RWDD2B: variants seen among roughly 807,000 people sequenced by gnomAD.
RWDD2B encodes RWD domain-containing protein 2B.
Under a neutral mutation model 33.6 loss-of-function variants are expected in RWDD2B, and 36 were observed. The ratio of observed to expected loss-of-function variants is 1.07; its 90% CI spans 0.82 to 1.42. The LOEUF (loss-of-function observed/expected upper bound fraction) is 1.42. Ranked by LOEUF, RWDD2B falls within the 40% of genes most tolerant of loss-of-function variation. The probability of loss-of-function intolerance (pLI) is 0.00; values close to 1 mark genes in which losing one functional copy is unlikely to be tolerated. For synonymous variants in RWDD2B, 126 were observed against 133.1 expected, an observed-to-expected ratio of 0.95 and a Z score of 0.37; for missense variants, 364 against 377.5, an observed-to-expected ratio of 0.96 and a Z score of 0.30.
intron 1 of RWDD2B, among the ~76,000 whole-genome samples, chr21:29,012,138 G>A (rs1388769855): frequency 2.1e-5 from 3 of 140,596 alleles, no homozygotes; most frequent in East Asian, 2.2e-4. Context: ...CCCCCCGCCC[G>A]GCCAGCCGCC....
intron 1 of RWDD2B, among the ~76,000 whole-genome samples, chr21:29,016,275 T>A (rs2084889752): frequency 6.6e-6 from 1 of 152,150 alleles, no homozygotes; most frequent in African/African-American, 2.4e-5. Flanking sequence ...TATTTATTTA[T>A]TTTTTTGAGA....
At position 29,006,410 on chromosome 21, in the gene RWDD2B, C is replaced by T; in HGVS notation, c.*7G>A. ...CAGTGGCAAGATACTTTCAACTACTCTTGATGTCATTGTCCTTCTACACCA... is the reference window on the plus strand; with the variant it reads ...CAGTGGCAAGATACTTTCAACTACTTTTGATGTCATTGTCCTTCTACACCA... On this transcript the variant is annotated 3_prime_UTR_variant, in exon 5 of 5. Coordinates refer to ENST00000493196, the MANE Select transcript of RWDD2B (RefSeq NM_016940.3). 8.3e-6 allele frequency: 13 copies of T among 1,568,724 alleles called. No homozygotes were observed. The South Asian group carries it at 9.2e-5, about 11-fold the overall frequency.
intron 1 of RWDD2B, among the ~76,000 whole-genome samples, chr21:29,016,920 T>C (rs1417777714): frequency 6.6e-6 from 1 of 152,120 alleles, no homozygotes; most frequent in African/African-American, 2.4e-5. Context: ...CTGGCAACAG[T>C]AAATTTTATA....
At chr21:29,013,688 CAAAA>C (rs543309731) in intron 1 of RWDD2B, among the ~76,000 whole-genome samples, 3 of 59,562 alleles carry the variant, frequency 5.0e-5, no homozygotes, top group Admixed American at 3.6e-4. Flanking sequence ...GACTCCGTCT[CAAAA>C]AAAAAAAAAA....
intron 1 of RWDD2B, among the ~76,000 whole-genome samples, chr21:29,014,431 C>T (rs1286652274): frequency 6.6e-6 from 1 of 152,226 alleles, no homozygotes; most frequent in Non-Finnish European, 1.5e-5. Flanking sequence ...GGTCCCACCA[C>T]TCAACTCTAT....
intron 1 of RWDD2B, among the ~76,000 whole-genome samples, chr21:29,014,378 A>G (rs549985158): frequency 1.4e-4 from 22 of 152,308 alleles, no homozygotes; most frequent in African/African-American, 5.1e-4. Flanking sequence ...GGAATGTTAC[A>G]TTTTTTGTTA....
At chr21:29,012,428 A>T (rs1020202602) in intron 1 of RWDD2B, among the ~76,000 whole-genome samples, 1 of 152,144 alleles carries the variant, frequency 6.6e-6, no homozygotes, top group Non-Finnish European at 1.5e-5. Flanking sequence ...TTCTGTACTA[A>T]GAAAAATTCT....
rs775883966 is a variant in RWDD2B at position 29,019,264 on chromosome 21, A to G, written c.14T>C (p.Leu5Pro). The G allele has an allele frequency of 6.2e-7, 1 of 1,604,866 alleles. No individual in the cohort carries two copies. The highest frequency in any genetic ancestry group is 1.7e-5 in the Admixed American group (1 of 58,540). Residue 5 changes from leucine (L) to proline (P), a missense_variant, in exon 1 of 5, where the codon CTG becomes CCG. Transcript: ENST00000493196. MKIELSMQPWNPGYS... is the reference protein window; with the variant it reads MKIEPSMQPWNPGYS... Reference sequence around the variant, plus strand: ...ACCCGGGTTCCATGGCTGCATGGACAGCTCAATTTTCATCAGAAGGGAGCC... The same window carrying G: ...ACCCGGGTTCCATGGCTGCATGGACGGCTCAATTTTCATCAGAAGGGAGCC...
intron 1 of RWDD2B, among the ~76,000 whole-genome samples, chr21:29,012,501 G>A (rs1229417325): frequency 6.6e-6 from 1 of 151,896 alleles, no homozygotes; most frequent in Non-Finnish European, 1.5e-5. Flanking sequence ...TGAAACATGT[G>A]CTGTATCCAC....
Position 29,006,646 on chromosome 21 carries a change from C to CT in RWDD2B, c.730dup (p.Arg244LysfsTer19). The CT allele has an allele frequency of 6.3e-7, 1 of 1,585,728 alleles. No individual in the cohort carries two copies. The highest frequency in any genetic ancestry group is 8.6e-7 in the Non-Finnish European group (1 of 1,160,348). ...TAAAATTCTCTTCCAGTTTAATTTT[C>CT]TGAGTCTGAAAAGAAATTTCCAAAG... On this transcript the variant is annotated frameshift_variant, in exon 5 of 5. Coordinates refer to ENST00000493196, the MANE Select transcript of RWDD2B (RefSeq NM_016940.3). LOFTEE classifies it high-confidence loss of function.
chr21:29,006,175 T>G lies in RWDD2B; in HGVS notation c.*242A>C, dbSNP rs2096725987. 1.5e-5 allele frequency: 5 copies of G among 338,834 alleles called. No homozygotes were observed. Among genetic ancestry groups the G allele is most frequent in the Non-Finnish European group, 2.7e-5 (5 of 187,848 alleles). 21.0% of individuals were successfully genotyped at this position (338,834 alleles called of 1,614,324 possible). On this transcript the variant is annotated 3_prime_UTR_variant, in exon 5 of 5. Transcript: ENST00000493196. ...TTTATGGATAATTTCTTTTTCAAAA[T>G]GGGCAGCTGATATGTGAAGAAATAT...
chr21:29,009,197 C>T (rs909296215), intron 1 of RWDD2B, among the ~76,000 whole-genome samples: 2 of 152,068 alleles, frequency 1.3e-5, no homozygotes, highest in African/African-American at 4.8e-5. Flanking sequence ...AAGCAATCCT[C>T]CCACCTCAGA....
chr21:29,011,609 C>T lies in RWDD2B; in HGVS notation c.68-2988G>A, dbSNP rs1229591768. On this transcript the variant is annotated intron_variant, in intron 1 of 4. Transcript: ENST00000493196. ...AGGTGGGGGGGGTCAGCCCCCCACCCGGCCAGCCGCCCCGTCCGGGAGGGA... is the reference window on the plus strand; with the variant it reads ...AGGTGGGGGGGGTCAGCCCCCCACCTGGCCAGCCGCCCCGTCCGGGAGGGA... 6.2e-3 allele frequency among the ~76,000 whole-genome samples: 862 copies of T among 139,412 alleles called. 2 individuals are homozygous for T. The highest frequency in any genetic ancestry group is 0.022 in the African/African-American group (814 of 37,098). 91.5% of individuals were successfully genotyped at this position (139,412 alleles called of 152,430 possible).
At chr21:29,011,349 G>C (rs567123397) in intron 1 of RWDD2B, among the ~76,000 whole-genome samples, 2 of 146,018 alleles carry the variant, frequency 1.4e-5, no homozygotes, top group African/African-American at 5.2e-5. Context: ...GAGCGTCTCT[G>C]CCCGGCCACC....
At chr21:29,012,103 T>C (rs2084865914) in intron 1 of RWDD2B, among the ~76,000 whole-genome samples, 1 of 115,650 alleles carries the variant, frequency 8.6e-6, no homozygotes, top group Admixed American at 8.5e-5. Flanking sequence ...AGCCGCCCCG[T>C]CCGGGAGGGA....
intron 1 of RWDD2B, among the ~76,000 whole-genome samples, chr21:29,011,926 A>G (rs1422434397): frequency 1.2e-4 from 11 of 94,734 alleles, no homozygotes; most frequent in East Asian, 3.9e-4. Flanking sequence ...CAGCCGCCCC[A>G]TCCGGGAGGG....
At chr21:29,016,367 C>A (rs28457166) in intron 1 of RWDD2B, among the ~76,000 whole-genome samples, 7,855 of 152,052 alleles carry the variant, frequency 0.052, 465 homozygotes, top group East Asian at 0.16. Context: ...CAGGTTCAAG[C>A]GATTCTCCTG....
chr21:29,018,964 T>C (rs2084902562), intron 1 of RWDD2B, among the ~76,000 whole-genome samples: 1 of 152,190 alleles, frequency 6.6e-6, no homozygotes, highest in Admixed American at 6.5e-5. Context: ...GCCAAGACGC[T>C]CTCAGGAAGA....
chr21:29,017,525 T>C lies in RWDD2B; in HGVS notation c.67+1686A>G, dbSNP rs147320946. On this transcript the variant is annotated intron_variant, in intron 1 of 4. Transcript: ENST00000493196. ...TACTAGGGAGGCTGAGGCAGGAGAA[T>C]CGCTTGAACTGGGGAGGCGGAGGTT... Among the ~76,000 whole-genome samples the C allele has an allele frequency of 6.9e-3, 1,050 of 151,980 alleles. 11 individuals are homozygous for C. Among genetic ancestry groups the C allele is most frequent in the African/African-American group, 0.024 (992 of 41,456 alleles).
Sources: gnomAD v4.1 joint callset for allele counts (sites outside exome capture counted in the v4.1 genomes callset) on GRCh38, gnomAD v4.1.1 for gene constraint, MANE v1.5 for transcripts, NCBI Gene and HGNC (gene_info 2026-07-23, HGNC 2026-07-21) for gene names.